The following RGS7 variants were observed in gnomAD, a reference collection of about 807,000 sequenced individuals.
The protein encoded by RGS7 is regulator of G-protein signaling 7.
Under a neutral mutation model 81.1 loss-of-function variants are expected in RGS7, and 27 were observed. The observed-to-expected ratio is 0.33, with a 90% CI of 0.25 to 0.46. The LOEUF is 0.46. RGS7 is among the 20% of genes least tolerant of loss of function. The probability of loss-of-function intolerance (pLI) is 1.00; values close to 1 mark genes in which losing one functional copy is unlikely to be tolerated. For synonymous variants in RGS7, 208 were observed against 207.7 expected (o/e 1.00, Z -0.01); for missense variants, 396 against 607.4 (o/e 0.65, Z 3.66).
At chr1:241,256,926 T>TACACACAC (rs10552436) in intron 2 of RGS7, among the ~76,000 whole-genome samples, 318 of 146,252 alleles carry the variant, frequency 2.2e-3, no homozygotes, top group Middle Eastern at 0.014. Flanking sequence ...CCACTAGAAA[T>TACACACAC]ACACACACAC....
At chr1:240,850,979 C>G (rs1659998615) in intron 9 of RGS7, among the ~76,000 whole-genome samples, 5 of 152,196 alleles carry the variant, frequency 3.3e-5, no homozygotes, top group Admixed American at 3.3e-4. Context: ...AAGGAGCCAT[C>G]TCCATAACAT....
At chr1:240,975,480 C>T (rs1016650083) in intron 4 of RGS7, among the ~76,000 whole-genome samples, 1 of 152,118 alleles carries the variant, frequency 6.6e-6, no homozygotes, top group Non-Finnish European at 1.5e-5. Flanking sequence ...CAGCAAGACT[C>T]ATTTCAAATC....
intron 2 of RGS7, among the ~76,000 whole-genome samples, chr1:241,306,978 A>T (rs1349317685): frequency 6.6e-6 from 1 of 152,230 alleles, no homozygotes; most frequent in Non-Finnish European, 1.5e-5. Context: ...AGGGAGAAAG[A>T]GTGTAAAAAT....
intron 3 of RGS7, among the ~76,000 whole-genome samples, chr1:241,003,494 A>C (rs941633243): frequency 1.5e-4 from 22 of 151,464 alleles, no homozygotes; most frequent in Non-Finnish European, 4.4e-5. Flanking sequence ...TACTGTGCCA[A>C]TACAATGGAT....
At chr1:240,875,459 A>G (rs888807869) in intron 6 of RGS7, among the ~76,000 whole-genome samples, 1 of 152,164 alleles carries the variant, frequency 6.6e-6, no homozygotes, top group Non-Finnish European at 1.5e-5. Flanking sequence ...TTGATTCTGT[A>G]TCTTGGCTAT....
chr1:240,945,232 G>A (rs7550687), intron 4 of RGS7, among the ~76,000 whole-genome samples: 8,388 of 152,204 alleles, frequency 0.055, 590 homozygotes, highest in African/African-American at 0.16. Flanking sequence ...ACTCTAACAC[G>A]AAAGAGAAAA....
chr1:240,928,279 T>C (rs1473388823), intron 6 of RGS7, among the ~76,000 whole-genome samples: 1 of 152,204 alleles, frequency 6.6e-6, no homozygotes, highest in Non-Finnish European at 1.5e-5. Context: ...ATCACCCTTT[T>C]CCAACACACT....
chr1:241,251,496 T>C (rs934350399), intron 2 of RGS7, among the ~76,000 whole-genome samples: 1 of 151,548 alleles, frequency 6.6e-6, no homozygotes, highest in Non-Finnish European at 1.5e-5. Flanking sequence ...TTTTTCTTTT[T>C]TCTTTTCTTT....
chr1:241,351,519 G>C (rs1016694025), intron 2 of RGS7, among the ~76,000 whole-genome samples: 4 of 151,982 alleles, frequency 2.6e-5, no homozygotes, highest in African/African-American at 9.7e-5. Context: ...GATTTATTCA[G>C]GTACCTGAGC....
chr1:241,098,642 G>C (rs775156028), intron 3 of RGS7, 24 bp downstream of exon 3: 2 of 1,509,516 alleles, frequency 1.3e-6, no homozygotes, highest in East Asian at 4.5e-5. Flanking sequence ...GGAGAAAACA[G>C]AACTGTGCTC....
chr1:240,977,835 A>C (rs1684370039), intron 4 of RGS7, among the ~76,000 whole-genome samples: 1 of 152,246 alleles, frequency 6.6e-6, no homozygotes, highest in Non-Finnish European at 1.5e-5. Flanking sequence ...AAACCACTGC[A>C]AATATGGACA....
At chr1:241,206,059 G>A (rs575690068) in intron 2 of RGS7, among the ~76,000 whole-genome samples, 1 of 151,220 alleles carries the variant, frequency 6.6e-6, no homozygotes, top group African/African-American at 2.4e-5. Flanking sequence ...AGTTGACTCA[G>A]CCCCCAAAAC....
In RGS7 at chr1:240,898,376, C is replaced by G. The variant is rs139582998; in HGVS notation, c.386-28257G>C. On this transcript the variant is annotated intron_variant, in intron 6 of 18. Transcript: ENST00000440928. ...TCTAGTTCTTTTAATTGTGATGTTA[C>G]GGTGTCAATTTTACATCTTTCCTGC... is the stretch of plus-strand genomic sequence containing the variant. 3.8e-3 allele frequency among the ~76,000 whole-genome samples: 572 copies of G among 152,074 alleles called. 5 individuals are homozygous for G. The highest frequency in any genetic ancestry group is 0.013 in the African/African-American group (545 of 41,528).
intron 2 of RGS7, among the ~76,000 whole-genome samples, chr1:241,339,677 C>A (rs2082429664): frequency 6.6e-6 from 1 of 152,108 alleles, no homozygotes; most frequent in African/African-American, 2.4e-5. Flanking sequence ...ATCTCCTGGC[C>A]AAGATGATTG....
intron 6 of RGS7, among the ~76,000 whole-genome samples, chr1:240,876,638 C>A (rs762020787): frequency 1.1e-4 from 16 of 152,084 alleles, no homozygotes; most frequent in African/African-American, 1.7e-4. Flanking sequence ...TTGGAAAGGA[C>A]GTGAGAGTGA....
intron 6 of RGS7, among the ~76,000 whole-genome samples, chr1:240,876,815 G>T (rs1180374662): frequency 6.6e-6 from 1 of 152,086 alleles, no homozygotes; most frequent in Non-Finnish European, 1.5e-5. Flanking sequence ...CAAAAAATTA[G>T]CTGGGCTTGG....
intron 4 of RGS7, among the ~76,000 whole-genome samples, chr1:240,944,306 A>G (rs796585968): frequency 0.013 from 1,691 of 128,274 alleles, 105 homozygotes; most frequent in South Asian, 0.04. Context: ...ATATATATAT[A>G]TATATATATA....
intron 2 of RGS7, among the ~76,000 whole-genome samples, chr1:241,338,258 C>A (rs1243180684): frequency 6.6e-6 from 1 of 152,160 alleles, no homozygotes; most frequent in East Asian, 1.9e-4. Context: ...ATTCATACTA[C>A]TTTTCATAAA....
intron 2 of RGS7, among the ~76,000 whole-genome samples, chr1:241,260,401 G>A (rs1039730942): frequency 6.6e-6 from 1 of 152,062 alleles, no homozygotes; most frequent in African/African-American, 2.4e-5. Flanking sequence ...ACTATATTGG[G>A]TATATCAAAT....
Sources: gnomAD v4.1 joint callset for allele counts (sites outside exome capture counted in the v4.1 genomes callset) on GRCh38, gnomAD v4.1.1 for gene constraint, MANE v1.5 for transcripts, NCBI Gene and HGNC (gene_info 2026-07-23, HGNC 2026-07-21) for gene names.